Variants in GCSH observed in about 807,000 individuals in gnomAD.
GCSH encodes the protein glycine cleavage system protein H.
GCSH carries 15 observed loss-of-function variants against 21.3 expected under a neutral mutation model. The observed-to-expected ratio is 0.70, with a 90% CI of 0.47 to 1.08. GCSH has a LOEUF of 1.08. Ranked by LOEUF, GCSH falls within the 50% of genes least tolerant of loss-of-function variation. GCSH has a pLI of 0.00. For synonymous variants in GCSH, 59 were observed against 84.5 expected, an observed-to-expected ratio of 0.70 and a Z score of 1.66; for missense variants, 179 against 217.5, an observed-to-expected ratio of 0.82 and a Z score of 1.11.
At chr16:81,085,594 C>A (rs568140948) in intron 3 of GCSH, among the ~76,000 whole-genome samples, 3 of 152,280 alleles carry the variant, frequency 2.0e-5, no homozygotes, top group African/African-American at 7.2e-5. Context: ...CTGGGCCAGG[C>A]GTGGTGGCTC....
At chr16:81,090,570 C>T (rs1236213069) in intron 2 of GCSH, 31 bp downstream of exon 2, 1 of 1,414,702 alleles carries the variant, frequency 7.1e-7, no homozygotes, top group East Asian at 2.3e-5. Context: ...CAAGAGCACA[C>T]TGGGACAAAT....
Position 81,087,710 on chromosome 16 carries a change from T to C in GCSH, c.229-46A>G, listed in dbSNP as rs1176156212. 3 of 1,295,898 alleles carry C rather than the reference T, an allele frequency of 2.3e-6. No homozygotes were observed. In the South Asian group the frequency reaches 3.6e-5, roughly 15 times the overall value. 80.3% of individuals were successfully genotyped at this position (1,295,898 alleles called of 1,614,324 possible). Reference sequence around the variant, plus strand: ...CCAAAAATCTCTAAGAAGTTATAACTAAACCCTCCAGTAAACAGAATAAGC... The same window carrying C: ...CCAAAAATCTCTAAGAAGTTATAACCAAACCCTCCAGTAAACAGAATAAGC... On this transcript the variant is annotated intron_variant, in intron 2 of 4. Coordinates refer to ENST00000315467, the MANE Select transcript of GCSH (RefSeq NM_004483.5).
chr16:81,093,210 T>A (rs1289977264), intron 1 of GCSH, among the ~76,000 whole-genome samples: 1 of 152,174 alleles, frequency 6.6e-6, no homozygotes, highest in Non-Finnish European at 1.5e-5. Context: ...TATATAGTTA[T>A]TTGTCTTTAA....
chr16:81,084,277 C>G, intron 4 of GCSH, 186 bp downstream of exon 4: 1 of 658,230 alleles, frequency 1.5e-6, no homozygotes, highest in East Asian at 2.7e-5. Flanking sequence ...CTGCGCCTAG[C>G]CAGAAATCTT....
rs377580970 is a variant in GCSH at position 81,084,451 on chromosome 16, G to C, written c.424+12C>G. Reference sequence around the variant, plus strand: ...GTAGTAATTCCTTGAGAAATTTCTAGCAACAGCTTACCATCTTCATAACAA... The same window carrying C: ...GTAGTAATTCCTTGAGAAATTTCTACCAACAGCTTACCATCTTCATAACAA... On this transcript the variant is annotated intron_variant, in intron 4 of 4. Coordinates refer to ENST00000315467, the MANE Select transcript of GCSH (RefSeq NM_004483.5). The C allele has an allele frequency of 1.2e-5, 20 of 1,603,196 alleles. No homozygotes were observed. In the African/African-American group the frequency reaches 2.0e-4, roughly 16 times the overall value.
chr16:81,091,690 C>T (rs1209175097), intron 1 of GCSH, among the ~76,000 whole-genome samples: 1 of 152,178 alleles, frequency 6.6e-6, no homozygotes, highest in African/African-American at 2.4e-5. Flanking sequence ...CATTTTACCC[C>T]TTACCCAAAG....
intron 1 of GCSH, among the ~76,000 whole-genome samples, chr16:81,092,901 G>C (rs1437156640): frequency 6.6e-6 from 1 of 152,008 alleles, no homozygotes; most frequent in Non-Finnish European, 1.5e-5. Flanking sequence ...GGAGGCCAAG[G>C]CAGGCGGATC....
At position 81,087,591 on chromosome 16, in the gene GCSH, G is replaced by A. The variant is rs571999768; in HGVS notation, c.292+10C>T. ...GGCATGGATCATTCTAAGATCCTAA[G>A]AACACTCACCTTGTTTGTTCAATTT... On this transcript the variant is annotated intron_variant, in intron 3 of 4. Coordinates refer to ENST00000315467, the MANE Select transcript of GCSH (RefSeq NM_004483.5). The A allele has an allele frequency of 1.3e-6, 2 of 1,569,818 alleles. No individual in the cohort carries two copies. Among genetic ancestry groups the A allele is most frequent in the African/African-American group, 2.7e-5 (2 of 73,506 alleles).
intron 2 of GCSH, among the ~76,000 whole-genome samples, 192 bp from the exon 3 acceptor site, chr16:81,087,856 G>A (rs1338909008): frequency 6.6e-6 from 1 of 152,186 alleles, no homozygotes; most frequent in Non-Finnish European, 1.5e-5. Context: ...AGGTGTGGTA[G>A]TTCACGCCTG....
chr16:81,085,416 G>A (rs1016111881), intron 3 of GCSH, among the ~76,000 whole-genome samples: 3 of 152,116 alleles, frequency 2.0e-5, no homozygotes, highest in Admixed American at 2.0e-4. Flanking sequence ...TGTGTGTCCT[G>A]GACACAGTAA....
chr16:81,096,359 C>A lies in GCSH; in HGVS notation c.-81G>T. On this transcript the variant is annotated 5_prime_UTR_variant, in exon 1 of 5. Transcript: ENST00000315467. ...CGGGGCGGGGAGGGGCAGTTCGCGG[C>A]CGGAGGGAGCCGGCTGGATGGAGGC... 2 of 1,097,668 alleles carry A rather than the reference C, an allele frequency of 1.8e-6. No homozygotes were observed. Among genetic ancestry groups the A allele is most frequent in the Admixed American group, 4.2e-5 (1 of 23,786 alleles). The allele number at this position is 1,097,668 out of a possible 1,614,324, so 68.0% of individuals were successfully genotyped here. A position where few individuals can be genotyped will look rare whatever the true frequency, so the allele number is the denominator to read the frequency against.
intron 2 of GCSH, 22 bp downstream of exon 2, chr16:81,090,579 A>G (rs1219683375): frequency 1.3e-6 from 2 of 1,483,064 alleles, no homozygotes; most frequent in Non-Finnish European, 9.4e-7. Context: ...ACTGGGACAA[A>G]TATTTCAATA....
intron 2 of GCSH, among the ~76,000 whole-genome samples, chr16:81,090,036 CCTAA>C (rs1354842271): frequency 6.6e-6 from 1 of 152,110 alleles, no homozygotes; most frequent in African/African-American, 2.4e-5. Context: ...CACATAATGC[CCTAA>C]CTAAATTATG....
At chr16:81,095,987 A>G (rs1266457311) in intron 1 of GCSH, 144 bp downstream of exon 1, 20 of 650,054 alleles carry the variant, frequency 3.1e-5, no homozygotes, top group Non-Finnish European at 4.1e-5. Context: ...GGATCCCAAC[A>G]GAAATAAGAA....
intron 1 of GCSH, among the ~76,000 whole-genome samples, chr16:81,095,637 G>A (rs1020125530): frequency 1.6e-4 from 2 of 12,376 alleles, no homozygotes; most frequent in Non-Finnish European, 6.3e-4. Context: ...CCTCCGGCAT[G>A]AGCCAACGCG....
At position 81,082,465 on chromosome 16, in the gene GCSH, T is replaced by C. The variant is rs1972186270; in HGVS notation, c.*401A>G. The C allele has an allele frequency of 2.6e-6, 1 of 389,288 alleles. No individual in the cohort carries two copies. The highest frequency in any genetic ancestry group is 2.2e-5 in the African/African-American group (1 of 44,816). 24.1% of individuals were successfully genotyped at this position (389,288 alleles called of 1,614,324 possible). On this transcript the variant is annotated 3_prime_UTR_variant, in exon 5 of 5. Coordinates refer to ENST00000315467, the MANE Select transcript of GCSH (RefSeq NM_004483.5). ...TGTACAAGCAACAAAACCTCTTCAC[T>C]TCCAGTTATTTCCAATGGAAAGATC... is the stretch of plus-strand genomic sequence containing the variant.
intron 1 of GCSH, among the ~76,000 whole-genome samples, chr16:81,091,656 T>C (rs185193507): frequency 6.6e-5 from 10 of 152,338 alleles, no homozygotes; most frequent in East Asian, 5.8e-4. Context: ...ACTCAAATAC[T>C]GTTTTAAAGA....
chr16:81,083,811 A>C (rs938158441), intron 4 of GCSH: 1 of 152,378 alleles, frequency 6.6e-6, no homozygotes, highest in African/African-American at 2.4e-5. Flanking sequence ...GAAAACCAAA[A>C]ATTAATGCAA....
In GCSH at chr16:81,083,235, G is replaced by A. The variant is rs1457870241; in HGVS notation, c.425-272C>T. The A allele has an allele frequency of 3.1e-5, 13 of 423,494 alleles. No individual in the cohort carries two copies. In the East Asian group the frequency reaches 6.8e-4, roughly 22 times the overall value. 26.2% of individuals were successfully genotyped at this position (423,494 alleles called of 1,614,324 possible). ...CAGAAAATGACATTTAAATCTTTAAGGGCCGGGCACGGTGGCTCATGCCTG... is the reference window on the plus strand; with the variant it reads ...CAGAAAATGACATTTAAATCTTTAAAGGCCGGGCACGGTGGCTCATGCCTG... On this transcript the variant is annotated intron_variant, in intron 4 of 4. Coordinates refer to ENST00000315467, the MANE Select transcript of GCSH (RefSeq NM_004483.5).
Sources: gnomAD v4.1 joint callset for allele counts (sites outside exome capture counted in the v4.1 genomes callset) on GRCh38, gnomAD v4.1.1 for gene constraint, MANE v1.5 for transcripts, NCBI Gene and HGNC (gene_info 2026-07-23, HGNC 2026-07-21) for gene names.